Variants in AGAP1 observed in about 807,000 individuals in gnomAD.
AGAP1 encodes ArfGAP with GTPase domain, ankyrin repeat and PH domain 1.
Under a neutral mutation model 105.3 loss-of-function variants are expected in AGAP1, and 29 were observed. That is an observed-to-expected ratio of 0.28 (90% CI 0.21 to 0.38). The LOEUF is 0.38. Among genes scored for constraint, AGAP1 ranks in the 10% least tolerant of loss-of-function variants. The probability of loss-of-function intolerance (pLI) is 1.00; values close to 1 mark genes in which losing one functional copy is unlikely to be tolerated. For synonymous variants in AGAP1, 509 were observed against 485.9 expected (o/e 1.05, Z -0.63); for missense variants, 998 against 1,165.1 (o/e 0.86, Z 2.09).
At chr2:235,917,536 G>A in intron 11 of AGAP1, among the ~76,000 whole-genome samples, 1 of 151,982 alleles carries the variant, frequency 6.6e-6, no homozygotes, top group Non-Finnish European at 1.5e-5. Flanking sequence ...GTCATAATGA[G>A]AGCATTTAAG....
At chr2:235,656,611 G>C (rs1287341550) in intron 1 of AGAP1, among the ~76,000 whole-genome samples, 1 of 152,076 alleles carries the variant, frequency 6.6e-6, no homozygotes, top group African/African-American at 2.4e-5. Context: ...ATTGGAATTA[G>C]TTTAGCCTGT....
In AGAP1 at chr2:236,046,332, T is replaced by C. The variant is rs753636047; in HGVS notation, c.1892-2727T>C. On this transcript the variant is annotated intron_variant, in intron 15 of 17. Transcript: ENST00000304032. This position sits in a 1 kb window ranked among gnomAD's most constrained non-coding sequence, Gnocchi z 5.2. ...CCGTGTTCAGTGGGGCCCTGGCTGCTGTGTGAAGAGGTCTGCAGGGAAGTG... is the reference window on the plus strand; with the variant it reads ...CCGTGTTCAGTGGGGCCCTGGCTGCCGTGTGAAGAGGTCTGCAGGGAAGTG... Among the ~76,000 whole-genome samples, 2 of 152,158 alleles carry C rather than the reference T, an allele frequency of 1.3e-5. No individual in the cohort carries two copies. Among genetic ancestry groups the C allele is most frequent in the Non-Finnish European group, 2.9e-5 (2 of 68,012 alleles).
Position 235,868,451 on chromosome 2 carries a change from C to A in AGAP1, c.1051-14894C>A, listed in dbSNP as rs190840542. On this transcript the variant is annotated intron_variant, in intron 9 of 17. Transcript: ENST00000304032. Reference sequence around the variant, plus strand: ...GCAAAGGCGAGTGGTTGTGGACGTGCCTGTTGATAATCTGATCTTGACATG... The same window carrying A: ...GCAAAGGCGAGTGGTTGTGGACGTGACTGTTGATAATCTGATCTTGACATG... Among the ~76,000 whole-genome samples, 1,165 of 152,180 alleles carry A rather than the reference C, an allele frequency of 7.7e-3. 11 individuals carry two copies. Among genetic ancestry groups the A allele is most frequent in the Non-Finnish European group, 0.011 (757 of 68,018 alleles).
chr2:235,759,682 T>C (rs1320248757), intron 6 of AGAP1, among the ~76,000 whole-genome samples: 2 of 152,294 alleles, frequency 1.3e-5, no homozygotes, highest in Non-Finnish European at 2.9e-5. Flanking sequence ...CTTTCTCTTA[T>C]GCCATATCCC....
chr2:235,914,443 G>A (rs1169922064), intron 11 of AGAP1, among the ~76,000 whole-genome samples: 1 of 152,044 alleles, frequency 6.6e-6, no homozygotes, highest in Non-Finnish European at 1.5e-5. Context: ...TAAGATCATT[G>A]TAAGGAATGA....
chr2:236,089,070 G>T lies in AGAP1; in HGVS notation c.2115-31122G>T, dbSNP rs1012176329. On this transcript the variant is annotated intron_variant, in intron 16 of 17. Coordinates refer to ENST00000304032, the MANE Select transcript of AGAP1 (RefSeq NM_001037131.3). The surrounding 1 kb of genome is among the most constrained non-coding windows in gnomAD (Gnocchi z 5.6). ...CCACCGTCCATCACGTGAAGGAGTA[G>T]AAAAAGTGGGATGCCACAGTTGCGG... 3.9e-5 allele frequency among the ~76,000 whole-genome samples: 6 copies of T among 152,192 alleles called. No individual in the cohort carries two copies. The highest frequency in any genetic ancestry group is 1.3e-4 in the Admixed American group (2 of 15,284).
rs1952346738 is a variant in AGAP1, at chr2:235,737,939, C to T, written c.311-3024C>T. On this transcript the variant is annotated intron_variant, in intron 3 of 17. Transcript: ENST00000304032. The surrounding 1 kb of genome is among the most constrained non-coding windows in gnomAD (Gnocchi z 4.5). The stretch of plus-strand genomic sequence containing the variant: ...GGGTTCATCAAGCAGGGAGGGCTTC[C>T]ACATACCCTTGTATCTGGGGCAACC... Among the ~76,000 whole-genome samples, 1 of 151,836 alleles carries T rather than the reference C, an allele frequency of 6.6e-6. No homozygotes were observed. Among genetic ancestry groups the T allele is most frequent in the South Asian group, 2.1e-4 (1 of 4,814 alleles).
rs2057706266 is a variant in AGAP1 at position 236,046,002 on chromosome 2, A to T, written c.1892-3057A>T. The stretch of plus-strand genomic sequence containing the variant: ...CATGAATGTCGTCCTTCAGATCTGG[A>T]CCTGACAGCCTGGGAGCTGCTGGGG... On this transcript the variant is annotated intron_variant, in intron 15 of 17. Transcript: ENST00000304032. This position sits in a 1 kb window ranked among gnomAD's most constrained non-coding sequence, Gnocchi z 5.2. 2.1e-6 allele frequency: 1 copy of T among 471,394 alleles called. No individual in the cohort carries two copies. 29.2% of individuals were successfully genotyped at this position (471,394 alleles called of 1,614,324 possible).
At chr2:235,853,262 T>A (rs1215945189) in intron 9 of AGAP1, 1 of 979,156 alleles carries the variant, frequency 1.0e-6, no homozygotes, top group Admixed American at 6.0e-5. Context: ...GTAAAATGGC[T>A]CCCCCTACTC....
At chr2:235,844,653 G>C (rs901462046) in intron 9 of AGAP1, among the ~76,000 whole-genome samples, 1 of 152,042 alleles carries the variant, frequency 6.6e-6, no homozygotes, top group Non-Finnish European at 1.5e-5. Flanking sequence ...CTGCCTCCCT[G>C]TCCCAGCTTC....
intron 1 of AGAP1, among the ~76,000 whole-genome samples, chr2:235,570,002 C>T (rs539173608): frequency 3.9e-5 from 6 of 152,326 alleles, no homozygotes; most frequent in East Asian, 3.9e-4. Flanking sequence ...CAGCGCCTGT[C>T]GTCTTTGTTA....
At chr2:235,511,999 C>CGA (rs1553554990) in intron 1 of AGAP1, among the ~76,000 whole-genome samples, 7 of 133,628 alleles carry the variant, frequency 5.2e-5, no homozygotes, top group Non-Finnish European at 1.0e-4. Flanking sequence ...TGTGTGAATG[C>CGA]GTGTGTGACT....
At chr2:235,497,661 A>G (rs2148994051) in intron 1 of AGAP1, among the ~76,000 whole-genome samples, 1 of 152,312 alleles carries the variant, frequency 6.6e-6, no homozygotes, top group Non-Finnish European at 1.5e-5. Flanking sequence ...CAGCGGCGCA[A>G]TCTCGGCTCA....
At chr2:236,098,066 T>A (rs2059239413) in intron 16 of AGAP1, among the ~76,000 whole-genome samples, 1 of 152,210 alleles carries the variant, frequency 6.6e-6, no homozygotes, top group Non-Finnish European at 1.5e-5. Context: ...AGAGCACATT[T>A]TGCTTATCTA....
chr2:235,678,671 C>T (rs1329841501), intron 1 of AGAP1, among the ~76,000 whole-genome samples: 1 of 152,108 alleles, frequency 6.6e-6, no homozygotes, highest in East Asian at 1.9e-4. Flanking sequence ...GTAGTTTTCT[C>T]CCAGGCTTAA....
At chr2:235,702,932 T>C (rs539731972) in intron 1 of AGAP1, among the ~76,000 whole-genome samples, 1 of 115,928 alleles carries the variant, frequency 8.6e-6, no homozygotes, top group South Asian at 3.4e-4. Flanking sequence ...CCAGTTTTCT[T>C]GGTTTTTTTT....
chr2:235,923,724 C>G (rs577050730), intron 11 of AGAP1, among the ~76,000 whole-genome samples: 1 of 152,154 alleles, frequency 6.6e-6, no homozygotes, highest in Non-Finnish European at 1.5e-5. Flanking sequence ...CGTGATGTAC[C>G]TACAGTGATG....
rs147916060 is a variant in AGAP1, at chr2:235,959,799, T to C, written c.1484-8663T>C. On this transcript the variant is annotated intron_variant, in intron 12 of 17. Coordinates refer to ENST00000304032, the MANE Select transcript of AGAP1 (RefSeq NM_001037131.3). The surrounding 1 kb of genome is among the most constrained non-coding windows in gnomAD (Gnocchi z 7.3). Reference sequence around the variant, plus strand: ...CCAGAGCTTCCTCCTGTCAAAGCTGTGCCACTTTCCCCACTGGCTGCCTGT... The same window carrying C: ...CCAGAGCTTCCTCCTGTCAAAGCTGCGCCACTTTCCCCACTGGCTGCCTGT... 3.6e-3 allele frequency among the ~76,000 whole-genome samples: 546 copies of C among 152,270 alleles called. 5 individuals are homozygous for C. The highest frequency in any genetic ancestry group is 6.0e-3 in the Non-Finnish European group (405 of 68,018).
chr2:235,909,890 AG>A (rs768693331), intron 11 of AGAP1, among the ~76,000 whole-genome samples: 142 of 152,176 alleles, frequency 9.3e-4, no homozygotes, highest in Non-Finnish European at 1.3e-3. Flanking sequence ...GCGTGGTAGC[AG>A]GTGCCTGTAA....
Sources: allele counts gnomAD v4.1 joint callset (sites outside exome capture counted in the v4.1 genomes callset), GRCh38; gene constraint gnomAD v4.1.1; non-coding constraint Gnocchi (gnomAD v3.1); transcripts MANE v1.5; gene names NCBI Gene and HGNC (gene_info 2026-07-23, HGNC 2026-07-21).